The following VPS13C variants were observed in gnomAD, a reference collection of about 807,000 sequenced individuals.
VPS13C encodes the protein vacuolar protein sorting 13 homolog C, also known as intermembrane lipid transfer protein VPS13C.
Under a neutral mutation model 456.8 loss-of-function variants are expected in VPS13C, and 358 were observed. The ratio of observed to expected loss-of-function variants is 0.78; its 90% CI spans 0.72 to 0.86. The LOEUF (loss-of-function observed/expected upper bound fraction) is 0.86. Among genes scored for constraint, VPS13C ranks in the 40% least tolerant of loss-of-function variants. VPS13C has a pLI of 0.00. For synonymous variants in VPS13C, 1,578 were observed against 1,486.7 expected, an observed-to-expected ratio of 1.06 and a Z score of -1.41; for missense variants, 4,818 against 4,385.4, an observed-to-expected ratio of 1.10 and a Z score of -2.79.
chr15:61,902,497 T>C (rs921936027), intron 66 of VPS13C, among the ~76,000 whole-genome samples: 8 of 152,018 alleles, frequency 5.3e-5, no homozygotes. Context: ...AAAAGATCCA[T>C]CACTAGGGTC....
intron 66 of VPS13C, among the ~76,000 whole-genome samples, chr15:61,893,349 G>T (rs1034540588): frequency 2.0e-5 from 3 of 152,108 alleles, no homozygotes; most frequent in African/African-American, 7.2e-5. Flanking sequence ...TGAAGGGGAA[G>T]AAAAACCCTG....
chr15:61,878,686 T>C lies in VPS13C; in HGVS notation c.10063A>G (p.Met3355Val). Residue 3355 changes from methionine to valine, a missense_variant, in exon 74 of 85, where the codon ATG becomes GTG. Met to Val is a conservative substitution (Grantham distance 21). Transcript: ENST00000644861. ...GEESDKEKQE[M>V]FAVHSVNLLL... is the part of the protein sequence containing the mutation. ...AAGTTGACAGAATGAACTGCAAACA[T>C]TTCCTGTTTTTCTTTGTCTGATTCT... 6.2e-7 allele frequency: 1 copy of C among 1,611,638 alleles called. No homozygotes were observed. The highest frequency in any genetic ancestry group is 8.5e-7 in the Non-Finnish European group (1 of 1,178,816).
chr15:61,954,297 T>C, intron 38 of VPS13C, 124 bp downstream of exon 38: 1 of 1,023,112 alleles, frequency 9.8e-7, no homozygotes, highest in Non-Finnish European at 1.4e-6. Flanking sequence ...ACATCACTGC[T>C]ACATGTGAAC....
chr15:61,916,787 T>G (rs1036350858), intron 60 of VPS13C, among the ~76,000 whole-genome samples: 2 of 152,072 alleles, frequency 1.3e-5, no homozygotes, highest in African/African-American at 4.8e-5. Flanking sequence ...CAGTAATTAT[T>G]TTTTTTATTT....
chr15:61,962,703 T>A, intron 33 of VPS13C, 46 bp downstream of exon 33: 1 of 1,416,550 alleles, frequency 7.1e-7, no homozygotes. Context: ...TAGAAGCTCA[T>A]ATTCAGTCAT....
chr15:61,941,190 C>G (rs1182786615), intron 46 of VPS13C, among the ~76,000 whole-genome samples: 1 of 152,192 alleles, frequency 6.6e-6, no homozygotes, highest in Non-Finnish European at 1.5e-5. Context: ...ATTGGTACTT[C>G]TCCAGACTCA....
At chr15:62,041,183 C>T (rs2048229809) in intron 3 of VPS13C, 141 bp downstream of exon 3, 3 of 733,122 alleles carry the variant, frequency 4.1e-6, no homozygotes, top group Non-Finnish European at 6.7e-6. Flanking sequence ...ACATTAGGTT[C>T]AGAACTCTAC....
At chr15:61,884,728 G>A (rs1896143336) in intron 67 of VPS13C, among the ~76,000 whole-genome samples, 1 of 151,960 alleles carries the variant, frequency 6.6e-6, no homozygotes, top group East Asian at 1.9e-4. Context: ...GTCACTTAGT[G>A]TTATTTATTA....
At chr15:62,056,865 C>G (rs947089351) in intron 1 of VPS13C, among the ~76,000 whole-genome samples, 1 of 152,224 alleles carries the variant, frequency 6.6e-6, no homozygotes, top group Non-Finnish European at 1.5e-5. Context: ...CCTCGGCTGC[C>G]AGGCAGGGAA....
intron 1 of VPS13C, 62 bp downstream of exon 1, chr15:62,060,213 C>T (rs1055735047): frequency 3.2e-6 from 3 of 944,260 alleles, no homozygotes; most frequent in South Asian, 2.8e-5. Flanking sequence ...GAATCCCGGA[C>T]GGAGCAGCCC....
At chr15:61,876,842 A>C in intron 75 of VPS13C, 131 bp downstream of exon 75, 1 of 594,762 alleles carries the variant, frequency 1.7e-6, no homozygotes, top group Non-Finnish European at 2.7e-6. Flanking sequence ...TCATTGAAGA[A>C]AGCCACTAAA....
intron 16 of VPS13C, among the ~76,000 whole-genome samples, 166 bp downstream of exon 16, chr15:62,000,398 T>C (rs1035824566): frequency 3.9e-5 from 6 of 152,046 alleles, no homozygotes; most frequent in South Asian, 2.1e-4. Flanking sequence ...AGGTTTTTTT[T>C]CCCCTTCATA....
chr15:61,909,669 T>C (rs1239416273), intron 64 of VPS13C, among the ~76,000 whole-genome samples: 1 of 152,200 alleles, frequency 6.6e-6, no homozygotes, highest in Non-Finnish European at 1.5e-5. Flanking sequence ...ATCAAAGACA[T>C]TTTATTTTAA....
chr15:61,871,979 T>C lies in VPS13C; in HGVS notation c.10624+10A>G. On this transcript the variant is annotated intron_variant, in intron 79 of 84. Coordinates refer to ENST00000644861, the MANE Select transcript of VPS13C (RefSeq NM_020821.3). ...AGACTTTGTAAAGGAAGGAAATATT[T>C]TCAACATACCTTCCACAGGTTTTGT... 1 of 1,610,186 alleles carries C rather than the reference T, an allele frequency of 6.2e-7. No homozygotes were observed. Among genetic ancestry groups the C allele is most frequent in the Non-Finnish European group, 8.5e-7 (1 of 1,177,926 alleles).
At chr15:62,001,926 C>A (rs1043678258) in intron 15 of VPS13C, among the ~76,000 whole-genome samples, 3 of 152,076 alleles carry the variant, frequency 2.0e-5, no homozygotes, top group Non-Finnish European at 2.9e-5. Flanking sequence ...CATTGTTGGA[C>A]ATTTGGGTTG....
intron 29 of VPS13C, among the ~76,000 whole-genome samples, chr15:61,967,018 C>A (rs2045396451): frequency 6.6e-6 from 1 of 151,792 alleles, no homozygotes; most frequent in African/African-American, 2.4e-5. Flanking sequence ...TCTTCTGAAC[C>A]CAATTTAATA....
chr15:62,024,971 C>G (rs1313208266), intron 6 of VPS13C, among the ~76,000 whole-genome samples: 4 of 152,084 alleles, frequency 2.6e-5, no homozygotes, highest in Non-Finnish European at 5.9e-5. Context: ...CCTTCTTAAA[C>G]TACTCCAAGT....
rs1375731395 is a variant in VPS13C, at chr15:61,867,766, A to G, written c.10863+893T>C. 6.8e-7 allele frequency: 1 copy of G among 1,480,436 alleles called. No individual in the cohort carries two copies. Among genetic ancestry groups the G allele is most frequent in the Non-Finnish European group, 8.9e-7 (1 of 1,119,296 alleles). The allele number at this position is 1,480,436 out of a possible 1,614,324, so 91.7% of individuals were successfully genotyped here. ...ATTACCAGGAATACCACAAGTTTTT[A>G]TTTGTAGTCAATCCCACTACTATGA... On this transcript the variant is annotated intron_variant, in intron 81 of 84. Transcript: ENST00000644861. This position sits in a 1 kb window ranked among gnomAD's most constrained non-coding sequence, Gnocchi z 5.0.
At chr15:62,035,099 G>T in intron 3 of VPS13C, 47 bp from the exon 4 acceptor site, 3 of 1,396,504 alleles carry the variant, frequency 2.1e-6, no homozygotes, top group South Asian at 1.3e-5. Flanking sequence ...GACTGCTCAA[G>T]AACACAAAAA....
Sources: allele counts gnomAD v4.1 joint callset (sites outside exome capture counted in the v4.1 genomes callset), GRCh38; gene constraint gnomAD v4.1.1; non-coding constraint Gnocchi (gnomAD v3.1); transcripts MANE v1.5; gene names NCBI Gene and HGNC (gene_info 2026-07-23, HGNC 2026-07-21).